Variants in HK1 observed in about 807,000 individuals in gnomAD.
HK1 encodes the protein hexokinase-1.
In HK1, 28 loss-of-function variants were observed where a neutral mutation model predicts 91.6. That is an observed-to-expected ratio of 0.31 (90% CI 0.23 to 0.42). HK1 has a LOEUF of 0.42. Among genes scored for constraint, HK1 ranks in the 10% least tolerant of loss-of-function variants. The probability of loss-of-function intolerance (pLI) is 1.00; values close to 1 mark genes in which losing one functional copy is unlikely to be tolerated. For synonymous variants in HK1, 430 were observed against 468.1 expected (o/e 0.92, Z 1.05); for missense variants, 770 against 1,219.8 (o/e 0.63, Z 5.49).
At chr10:69,328,900 A>C (rs148507284) in intron 1 of HK1, among the ~76,000 whole-genome samples, 23 of 152,292 alleles carry the variant, frequency 1.5e-4, no homozygotes, top group Non-Finnish European at 3.2e-4. Context: ...AAATGGAATA[A>C]TATAAAATGA....
In HK1 at chr10:69,328,079, G is replaced by T. The variant is rs117318198; in HGVS notation, c.63+9069G>T. On this transcript the variant is annotated intron_variant, in intron 1 of 17. Transcript: ENST00000359426. The stretch of plus-strand genomic sequence containing the variant: ...ACTTTCTCTCTTCCCGGGTGGATCC[G>T]ACCCGGGTAGGGCAGGCTTATCTGT... Among the ~76,000 whole-genome samples the T allele has an allele frequency of 1.9e-4, 29 of 152,266 alleles. No homozygotes were observed. The East Asian group carries it at 5.6e-3, about 29-fold the overall frequency.
chr10:69,310,001 G>A (rs765747404), intron 5 of HK1, among the ~76,000 whole-genome samples: 4 of 149,842 alleles, frequency 2.7e-5, no homozygotes, highest in Admixed American at 6.7e-5. Context: ...AGTGAGCCGG[G>A]ATCACGCTAC....
chr10:69,398,871 T>A (rs759953477), intron 17 of HK1, 43 bp downstream of exon 17: 17 of 1,486,736 alleles, frequency 1.1e-5, no homozygotes, highest in Non-Finnish European at 1.4e-5. Flanking sequence ...CTTGCTGGGA[T>A]CCCTTTGGGT....
intron 15 of HK1, among the ~76,000 whole-genome samples, chr10:69,392,766 G>A (rs750405042): frequency 6.6e-6 from 1 of 152,178 alleles, no homozygotes; most frequent in African/African-American, 2.4e-5. Context: ...TGAAATGGCA[G>A]TGTCTGCCCT....
At chr10:69,346,768 G>C (rs929367183) in intron 2 of HK1, among the ~76,000 whole-genome samples, 8 of 151,524 alleles carry the variant, frequency 5.3e-5, no homozygotes, top group Admixed American at 4.6e-4. Context: ...TCATTTTTGA[G>C]GTAGTGGATG....
chr10:69,381,664 C>T (rs1374954992), intron 9 of HK1, among the ~76,000 whole-genome samples: 1 of 151,824 alleles, frequency 6.6e-6, no homozygotes, highest in African/African-American at 2.4e-5. Context: ...AGCAATTCTC[C>T]TGCCTCAGCC....
rs1157097116 is a variant in HK1 at position 69,293,858 on chromosome 10, T to C, written c.-114-1775T>C. 2.5e-3 allele frequency among the ~76,000 whole-genome samples: 139 copies of C among 54,518 alleles called. 1 individual carries two copies. The East Asian group carries it at 0.11, about 44-fold the overall frequency. The allele number at this position is 54,518 out of a possible 152,430, so 35.8% of individuals were successfully genotyped here. On this transcript the variant is annotated intron_variant, in intron 3 of 21. Transcript: ENST00000360289. The stretch of plus-strand genomic sequence containing the variant: ...CGAAGCACAAGCATATTTCTTTCTT[T>C]TTTTTTTTTTTTTTTTTTTTTGAGA...
exon 4 of HK1, chr10:69,295,660 C>A: frequency 1.2e-6 from 2 of 1,607,264 alleles, no homozygotes; most frequent in Non-Finnish European, 8.5e-7. Context: ...ACCAAAACTT[C>A]ATCTACTTGC....
chr10:69,299,287 CTGG>C, intron 4 of HK1, among the ~76,000 whole-genome samples: 1 of 151,650 alleles, frequency 6.6e-6, no homozygotes, highest in African/African-American at 2.4e-5. Flanking sequence ...ACCCTCCCAC[CTGG>C]TCTCCCAAGT....
At chr10:69,327,701 G>A (rs967121930) in intron 1 of HK1, among the ~76,000 whole-genome samples, 2 of 152,200 alleles carry the variant, frequency 1.3e-5, no homozygotes, top group African/African-American at 4.8e-5. Flanking sequence ...GTATGTGCAG[G>A]TTGCCTTTGT....
chr10:69,327,607 G>C (rs138777250), intron 1 of HK1, among the ~76,000 whole-genome samples: 1 of 152,254 alleles, frequency 6.6e-6, no homozygotes, highest in East Asian at 1.9e-4. Context: ...AGATCACCAG[G>C]CGGAGAGATG....
At chr10:69,375,993 G>T (rs1441474445) in intron 7 of HK1, among the ~76,000 whole-genome samples, 1 of 152,224 alleles carries the variant, frequency 6.6e-6, no homozygotes, top group Non-Finnish European at 1.5e-5. Flanking sequence ...CAGCCCTGGA[G>T]TTTAGGGTAA....
At position 69,371,004 on chromosome 10, in the gene HK1, G is replaced by A. The variant is rs142196758; in HGVS notation, c.875+1380G>A. Among the ~76,000 whole-genome samples the A allele has an allele frequency of 8.7e-3, 1,309 of 150,298 alleles. 14 individuals are homozygous for A. Among genetic ancestry groups the A allele is most frequent in the Admixed American group, 0.014 (209 of 15,168 alleles). ...CAGAGAGATGTTCACTGACTCTGTA[G>A]ACCTAATAACCCTTATCCTGATGCT... On this transcript the variant is annotated intron_variant, in intron 7 of 17. Transcript: ENST00000359426.
intron 4 of HK1, among the ~76,000 whole-genome samples, chr10:69,366,391 C>T (rs979543827): frequency 2.6e-5 from 4 of 152,142 alleles, no homozygotes; most frequent in African/African-American, 9.7e-5. Context: ...TTAGGGTAAG[C>T]GTCCTTTCCT....
intron 1 of HK1, among the ~76,000 whole-genome samples, chr10:69,325,044 A>ATT (rs1046990181): frequency 0.016 from 1,534 of 93,792 alleles, 21 homozygotes; most frequent in Middle Eastern, 0.024. Flanking sequence ...AAAAATGTGT[A>ATT]TTTTTTTTTT....
At chr10:69,360,594 C>T (rs375953785) in intron 3 of HK1, among the ~76,000 whole-genome samples, 3 of 152,192 alleles carry the variant, frequency 2.0e-5, no homozygotes, top group Non-Finnish European at 4.4e-5. Flanking sequence ...GCAGGGAAAT[C>T]ACGGTCCCCT....
intron 2 of HK1, among the ~76,000 whole-genome samples, chr10:69,284,449 G>A (rs561763238): frequency 3.7e-4 from 57 of 152,224 alleles, no homozygotes; most frequent in Middle Eastern, 3.4e-3. Flanking sequence ...CAATTGAATA[G>A]TGGGTACATC....
intron 1 of HK1, among the ~76,000 whole-genome samples, chr10:69,331,023 G>A (rs184350121): frequency 1.7e-3 from 255 of 152,060 alleles, no homozygotes; most frequent in Non-Finnish European, 2.9e-3. Flanking sequence ...GGGATTACAG[G>A]CATGCGCCAC....
upstream of HK1, among the ~76,000 whole-genome samples, chr10:69,313,295 C>CCCTG (rs548275956): frequency 4.7e-4 from 71 of 152,248 alleles, 1 homozygote; most frequent in South Asian, 0.015. Flanking sequence ...AGCTCCCCTA[C>CCCTG]CCTGTCTAAA....
Sources: gnomAD v4.1 joint callset for allele counts (sites outside exome capture counted in the v4.1 genomes callset) on GRCh38, gnomAD v4.1.1 for gene constraint, MANE v1.5 for transcripts, NCBI Gene and HGNC (gene_info 2026-07-23, HGNC 2026-07-21) for gene names.